The following ERI3 variants were observed in gnomAD, a reference collection of about 807,000 sequenced individuals.
ERI3 encodes ERI1 exoribonuclease 3.
A neutral mutation model predicts 44.4 loss-of-function variants in ERI3; 18 were observed. The ratio of observed to expected loss-of-function variants is 0.41; its 90% CI spans 0.28 to 0.60. ERI3 has a LOEUF of 0.60. Among genes scored for constraint, ERI3 ranks in the 20% least tolerant of loss-of-function variants. The pLI, the probability that ERI3 is intolerant of heterozygous loss-of-function variation, is 0.36. For missense variants in ERI3, 294 were observed against 435.5 expected (o/e 0.68, Z 2.89); for synonymous variants, 183 against 164.8 (o/e 1.11, Z -0.84).
intron 7 of ERI3, among the ~76,000 whole-genome samples, chr1:44,266,307 C>A (rs972495736): frequency 1.3e-5 from 2 of 152,136 alleles, no homozygotes; most frequent in African/African-American, 4.8e-5. Context: ...GACTTCCTAG[C>A]CAAATGGAAT....
chr1:44,334,104 G>A (rs962445462), intron 3 of ERI3, among the ~76,000 whole-genome samples: 10 of 152,244 alleles, frequency 6.6e-5, no homozygotes, highest in African/African-American at 2.4e-4. Flanking sequence ...GATGGCCAGA[G>A]GACTTGGGGA....
chr1:44,303,621 A>G (rs1645772454), intron 6 of ERI3, among the ~76,000 whole-genome samples: 1 of 152,192 alleles, frequency 6.6e-6, no homozygotes, highest in African/African-American at 2.4e-5. Flanking sequence ...TAGAGAAAGA[A>G]GAGGGATCAC....
At chr1:44,337,163 G>A (rs1040205677) in intron 3 of ERI3, among the ~76,000 whole-genome samples, 4 of 152,174 alleles carry the variant, frequency 2.6e-5, no homozygotes, top group African/African-American at 9.7e-5. Context: ...AATTATCTGA[G>A]TTTATAATCT....
intron 2 of ERI3, among the ~76,000 whole-genome samples, chr1:44,342,834 T>TAA (rs1646694772): frequency 1.3e-4 from 3 of 22,236 alleles, no homozygotes; most frequent in South Asian, 1.7e-3. Flanking sequence ...TATATATATA[T>TAA]ATATATATAT....
At chr1:44,282,434 G>C (rs530346400) in intron 7 of ERI3, among the ~76,000 whole-genome samples, 1 of 152,300 alleles carries the variant, frequency 6.6e-6, no homozygotes, top group Admixed American at 6.5e-5. Flanking sequence ...GGTCACACAG[G>C]GGACACAAGG....
intron 2 of ERI3, among the ~76,000 whole-genome samples, chr1:44,341,543 G>A (rs1364788003): frequency 6.6e-6 from 1 of 152,044 alleles, no homozygotes; most frequent in Non-Finnish European, 1.5e-5. Context: ...GATGGCCAGT[G>A]GTCCTCTTGC....
intron 6 of ERI3, among the ~76,000 whole-genome samples, chr1:44,295,633 C>A (rs977810111): frequency 6.6e-6 from 1 of 152,170 alleles, no homozygotes; most frequent in Admixed American, 6.5e-5. Flanking sequence ...CTGATATTTA[C>A]TGAAAGGTCC....
At chr1:44,225,245 GCCTCTACCTCACCT>G (rs1644008607) in intron 8 of ERI3, among the ~76,000 whole-genome samples, 2 of 152,216 alleles carry the variant, frequency 1.3e-5, no homozygotes, top group South Asian at 4.1e-4. Flanking sequence ...CCTCCAAGAG[GCCTCTACCTCACCT>G]TCAAATTCTA....
At chr1:44,284,962 A>T in intron 6 of ERI3, 55 bp from the exon 7 acceptor site, 2 of 1,460,250 alleles carry the variant, frequency 1.4e-6, no homozygotes, top group Non-Finnish European at 9.6e-7. Context: ...CCCAGGTATG[A>T]AGTCTTAAGA....
intron 6 of ERI3, among the ~76,000 whole-genome samples, chr1:44,295,109 T>C (rs1447067721): frequency 2.0e-5 from 3 of 152,150 alleles, no homozygotes; most frequent in Non-Finnish European, 4.4e-5. Flanking sequence ...GGCATTAGAA[T>C]AGGCTAGTGA....
intron 6 of ERI3, among the ~76,000 whole-genome samples, chr1:44,301,803 G>A (rs1420510021): frequency 3.3e-5 from 5 of 152,190 alleles, no homozygotes; most frequent in African/African-American, 4.8e-5. Context: ...CCAAGTTTCC[G>A]ATGTACTTCT....
intron 7 of ERI3, among the ~76,000 whole-genome samples, chr1:44,269,222 G>C (rs1012821122): frequency 3.9e-5 from 6 of 152,198 alleles, no homozygotes; most frequent in African/African-American, 1.4e-4. Flanking sequence ...GAGGCCAAGA[G>C]ACCACAAGAA....
chr1:44,355,039 T>C lies in ERI3; in HGVS notation c.-13A>G. 7.3e-7 allele frequency: 1 copy of C among 1,376,474 alleles called. No homozygotes were observed. The highest frequency in any genetic ancestry group is 2.0e-5 in the South Asian group (1 of 50,210). The allele number at this position is 1,376,474 out of a possible 1,614,324, so 85.3% of individuals were successfully genotyped here. A position where few individuals can be genotyped will look rare whatever the true frequency, so the allele number is the denominator to read the frequency against. ...AGGCTGTCGCCATGGCAACGCCCCC[T>C]CCTCGGGGCCAGCGCGGCAGGCTCC... On this transcript the variant is annotated 5_prime_UTR_variant, in exon 1 of 9. Transcript: ENST00000372257.
chr1:44,326,169 T>A (rs1241175103), intron 3 of ERI3, among the ~76,000 whole-genome samples: 1 of 152,240 alleles, frequency 6.6e-6, no homozygotes. Context: ...TGTGTGTCCC[T>A]GCACTGAAAG....
intron 5 of ERI3, 80 bp downstream of exon 5, chr1:44,313,089 G>T: frequency 8.3e-7 from 1 of 1,209,860 alleles, no homozygotes; most frequent in South Asian, 1.2e-5. Context: ...CAAATTACAC[G>T]GCTACATTCT....
At chr1:44,255,276 C>A (rs1179660650) in intron 7 of ERI3, among the ~76,000 whole-genome samples, 1 of 152,204 alleles carries the variant, frequency 6.6e-6, no homozygotes, top group Non-Finnish European at 1.5e-5. Context: ...GTCAAGCTGC[C>A]GCCATGCTGC....
At chr1:44,223,785 C>T (rs1643963696) in intron 8 of ERI3, among the ~76,000 whole-genome samples, 1 of 152,158 alleles carries the variant, frequency 6.6e-6, no homozygotes, top group African/African-American at 2.4e-5. Context: ...AGAGGGTCCC[C>T]ACGTCCCAGT....
At chr1:44,344,825 A>G (rs982413399) in intron 2 of ERI3, among the ~76,000 whole-genome samples, 2 of 152,208 alleles carry the variant, frequency 1.3e-5, no homozygotes, top group Non-Finnish European at 2.9e-5. Context: ...TAAGTAGCCC[A>G]TGGCAAGGAG....
At chr1:44,330,911 T>TG (rs1302439567) in intron 3 of ERI3, among the ~76,000 whole-genome samples, 2 of 152,042 alleles carry the variant, frequency 1.3e-5, no homozygotes, top group Admixed American at 1.3e-4. Flanking sequence ...TGTCAAACAA[T>TG]GGAGATCAGT....
Sources: gnomAD v4.1 joint callset for allele counts (sites outside exome capture counted in the v4.1 genomes callset) on GRCh38, gnomAD v4.1.1 for gene constraint, MANE v1.5 for transcripts, NCBI Gene and HGNC (gene_info 2026-07-23, HGNC 2026-07-21) for gene names.